The following PTPRD variants were observed in gnomAD, a reference collection of about 807,000 sequenced individuals.
The protein encoded by PTPRD is receptor-type tyrosine-protein phosphatase delta.
Under a neutral mutation model 214.5 loss-of-function variants are expected in PTPRD, and 34 were observed. That is an observed-to-expected ratio of 0.16 (90% CI 0.12 to 0.21). The LOEUF (loss-of-function observed/expected upper bound fraction) is 0.21. Among genes scored for constraint, PTPRD ranks in the 10% least tolerant of loss-of-function variants. The pLI, the probability that PTPRD is intolerant of heterozygous loss-of-function variation, is 1.00. For synonymous variants in PTPRD, 1,128 were observed against 845.7 expected, an observed-to-expected ratio of 1.33 and a Z score of -5.79; for missense variants, 2,545 against 2,398.7, an observed-to-expected ratio of 1.06 and a Z score of -1.27.
chr9:8,363,162 G>A (rs372638567), intron 39 of PTPRD, among the ~76,000 whole-genome samples: 4 of 152,084 alleles, frequency 2.6e-5, no homozygotes, highest in African/African-American at 9.7e-5. Flanking sequence ...AAAATTTGGA[G>A]GCTTACCATT....
intron 9 of PTPRD, among the ~76,000 whole-genome samples, chr9:9,242,620 C>A (rs899715295): frequency 6.6e-6 from 1 of 152,138 alleles, no homozygotes; most frequent in African/African-American, 2.4e-5. Context: ...CCCTTTCTTC[C>A]AGTTGATCGA....
At chr9:10,502,785 T>A (rs2044221933) in intron 2 of PTPRD, among the ~76,000 whole-genome samples, 4 of 152,060 alleles carry the variant, frequency 2.6e-5, no homozygotes, top group Non-Finnish European at 5.9e-5. Context: ...CCATAAAATA[T>A]CCATTTAGTT....
intron 12 of PTPRD, among the ~76,000 whole-genome samples, chr9:8,718,711 T>G (rs568533067): frequency 6.6e-6 from 1 of 152,316 alleles, no homozygotes; most frequent in African/African-American, 2.4e-5. Context: ...TTCCTACATC[T>G]GCAGAAACGT....
chr9:9,133,352 C>T (rs1237609380), intron 10 of PTPRD, among the ~76,000 whole-genome samples: 6 of 152,136 alleles, frequency 3.9e-5, no homozygotes, highest in Non-Finnish European at 7.4e-5. Flanking sequence ...TCCCCGGGGA[C>T]ATTTATTTTG....
intron 12 of PTPRD, among the ~76,000 whole-genome samples, chr9:8,691,490 A>G (rs915912104): frequency 1.3e-5 from 1 of 75,650 alleles, no homozygotes; most frequent in African/African-American, 8.4e-5. Context: ...ACAAAGGAGA[A>G]AAAAAAAATG....
At chr9:10,469,481 G>A (rs1340590157) in intron 2 of PTPRD, among the ~76,000 whole-genome samples, 1 of 152,128 alleles carries the variant, frequency 6.6e-6, no homozygotes, top group Admixed American at 6.6e-5. Flanking sequence ...TAGATTCAGT[G>A]CAATTTCAGT....
intron 10 of PTPRD, among the ~76,000 whole-genome samples, chr9:9,033,539 A>G (rs559499667): frequency 2.6e-5 from 4 of 152,164 alleles, no homozygotes. Context: ...AAAAGGATTC[A>G]TCATTAGATG....
At chr9:10,291,710 C>T (rs2095532676) in intron 3 of PTPRD, among the ~76,000 whole-genome samples, 1 of 152,044 alleles carries the variant, frequency 6.6e-6, no homozygotes, top group African/African-American at 2.4e-5. Flanking sequence ...ACCTTCACTT[C>T]ACACAGTGAA....
At chr9:8,827,438 C>A (rs541298110) in intron 11 of PTPRD, among the ~76,000 whole-genome samples, 3 of 152,224 alleles carry the variant, frequency 2.0e-5, no homozygotes, top group African/African-American at 7.2e-5. Flanking sequence ...GAAACCCCAT[C>A]TCTACTAAAA....
At chr9:10,155,274 G>C (rs190142112) in intron 3 of PTPRD, among the ~76,000 whole-genome samples, 1 of 151,972 alleles carries the variant, frequency 6.6e-6, no homozygotes, top group East Asian at 1.9e-4. Flanking sequence ...TTGGAATGCT[G>C]GTGATTTTTT....
chr9:10,467,003 T>C (rs1214786951), intron 2 of PTPRD, among the ~76,000 whole-genome samples: 2 of 151,476 alleles, frequency 1.3e-5, no homozygotes, highest in East Asian at 3.9e-4. Context: ...CATATTAGAG[T>C]TCCCCGGGAA....
chr9:9,528,751 A>G (rs2074750568), intron 8 of PTPRD, among the ~76,000 whole-genome samples: 1 of 152,048 alleles, frequency 6.6e-6, no homozygotes, highest in Non-Finnish European at 1.5e-5. Flanking sequence ...AAAAAGAAAG[A>G]AAGGAGGCTT....
rs1011866463 is a variant in PTPRD at position 8,879,788 on chromosome 9, C to T, written c.-104+138909G>A. 2.3e-4 allele frequency among the ~76,000 whole-genome samples: 35 copies of T among 152,234 alleles called. 1 individual carries two copies. The highest frequency in any genetic ancestry group is 6.5e-4 in the African/African-American group (27 of 41,546). ...TCAACTTTACTCATAGAAACACAAA[C>T]GGAGAGAGGCTGGACCAAATCTGGA... On this transcript the variant is annotated intron_variant, in intron 11 of 45. Transcript: ENST00000381196.
intron 9 of PTPRD, among the ~76,000 whole-genome samples, chr9:9,354,839 A>C (rs2053084822): frequency 6.6e-6 from 1 of 151,784 alleles, no homozygotes; most frequent in Non-Finnish European, 1.5e-5. Flanking sequence ...GTTGTGCATG[A>C]AGATATCTGG....
chr9:10,065,414 T>A (rs2097859450), intron 3 of PTPRD, among the ~76,000 whole-genome samples: 1 of 151,950 alleles, frequency 6.6e-6, no homozygotes, highest in African/African-American at 2.4e-5. Flanking sequence ...GGCTTTACTT[T>A]TCATGCTTTG....
At chr9:8,855,265 G>A (rs1017155461) in intron 11 of PTPRD, among the ~76,000 whole-genome samples, 14 of 151,978 alleles carry the variant, frequency 9.2e-5, no homozygotes, top group Admixed American at 3.3e-4. Flanking sequence ...CCAATTCTTA[G>A]TTCCAGACTT....
rs3075573 is a variant in PTPRD at position 10,181,942 on chromosome 9, T to TAAAA, written c.-544-148156_-544-148153dup. ...AAATATGACTATGTATCATAAATACTAAAAAAAAAAAAAAAAAAAAAAAAA... is the reference window on the plus strand; with the variant it reads ...AAATATGACTATGTATCATAAATACTAAAAAAAAAAAAAAAAAAAAAAAAAAAAA... On this transcript the variant is annotated intron_variant, in intron 3 of 45. Transcript: ENST00000381196. Among the ~76,000 whole-genome samples, 28 of 38,510 alleles carry TAAAA rather than the reference T, an allele frequency of 7.3e-4. 1 individual carries two copies. Among genetic ancestry groups the TAAAA allele is most frequent in the Admixed American group, 2.4e-3 (8 of 3,266 alleles). 25.3% of individuals were successfully genotyped at this position (38,510 alleles called of 152,430 possible).
At chr9:9,463,179 C>T (rs2093820408) in intron 8 of PTPRD, among the ~76,000 whole-genome samples, 1 of 152,066 alleles carries the variant, frequency 6.6e-6, no homozygotes, top group African/African-American at 2.4e-5. Flanking sequence ...GTTGTGAGGT[C>T]ATTTGGATGA....
At chr9:8,515,063 C>T (rs1409182827) in intron 21 of PTPRD, among the ~76,000 whole-genome samples, 1 of 152,212 alleles carries the variant, frequency 6.6e-6, no homozygotes, top group Non-Finnish European at 1.5e-5. Flanking sequence ...GATTAAACCT[C>T]TTTCCTTTGT....
Sources: gnomAD v4.1 joint callset for allele counts (sites outside exome capture counted in the v4.1 genomes callset) on GRCh38, gnomAD v4.1.1 for gene constraint, MANE v1.5 for transcripts, NCBI Gene and HGNC (gene_info 2026-07-23, HGNC 2026-07-21) for gene names.